CDH23: variants seen among roughly 807,000 people sequenced by gnomAD.
The protein encoded by CDH23 is cadherin-23.
CDH23 carries 189 observed loss-of-function variants against 317.1 expected under a neutral mutation model. That is an observed-to-expected ratio of 0.60 (90% CI 0.53 to 0.67). The LOEUF (loss-of-function observed/expected upper bound fraction) is 0.67, where lower values mean the gene tolerates loss of function less well. Among genes scored for constraint, CDH23 ranks in the 30% least tolerant of loss-of-function variants. CDH23 has a pLI of 0.00. For missense variants in CDH23, 4,401 were observed against 4,592.4 expected, an observed-to-expected ratio of 0.96 and a Z score of 1.20; for synonymous variants, 1,839 against 1,876.8, an observed-to-expected ratio of 0.98 and a Z score of 0.52.
At chr10:71,699,385 G>C (rs1392301523) in intron 22 of CDH23, among the ~76,000 whole-genome samples, 1 of 152,236 alleles carries the variant, frequency 6.6e-6, no homozygotes, top group Non-Finnish European at 1.5e-5. Context: ...GAGGCACAAG[G>C]CAACCCCAGT....
In CDH23 at chr10:71,755,212, T is replaced by C. The variant is rs1840101645; in HGVS notation, c.4845+13291T>C. On this transcript the variant is annotated intron_variant, in intron 38 of 69. Coordinates refer to ENST00000224721, the MANE Select transcript of CDH23 (RefSeq NM_022124.6). ...CTTTCTCTCGGCCATTTCGCCCAGC[T>C]CCTGGCGGGAAGTGCAGCTGCTCCC... 1.7e-5 allele frequency: 14 copies of C among 810,564 alleles called. No individual in the cohort carries two copies. The South Asian group carries it at 2.1e-4, about 12-fold the overall frequency. 50.2% of individuals were successfully genotyped at this position (810,564 alleles called of 1,614,324 possible).
intron 2 of CDH23, 78 bp from the exon 3 acceptor site, chr10:71,446,240 C>T: frequency 1.4e-6 from 2 of 1,393,668 alleles, no homozygotes; most frequent in Non-Finnish European, 1.0e-6. Context: ...CACTGCAGCC[C>T]TCACCCTGTG....
In CDH23 at chr10:71,809,911, A is replaced by C. The variant is rs1336129317; in HGVS notation, c.8814A>C (p.Ala2938=). 6.2e-7 allele frequency: 1 copy of C among 1,613,194 alleles called. No individual in the cohort carries two copies. The highest frequency in any genetic ancestry group is 8.5e-7 in the Non-Finnish European group (1 of 1,179,888). ...FVVDIVARDL[A]GHNDTAIIGI... is the part of the protein sequence containing the mutation. ...TGGACATTGTGGCCCGAGACCTGGC[A>C]GGCCACAACGACACGGCCATCATCG... Residue 2938 remains alanine (A), a synonymous_variant, in exon 61 of 70, where the codon GCA becomes GCC. Transcript: ENST00000224721.
At chr10:71,468,027 A>G (rs1402573078) in intron 3 of CDH23, among the ~76,000 whole-genome samples, 3 of 152,092 alleles carry the variant, frequency 2.0e-5, no homozygotes, top group African/African-American at 7.2e-5. Context: ...CTTCCCTCTT[A>G]GAGAGGAATT....
chr10:71,726,419 G>A (rs1011120707), intron 30 of CDH23, among the ~76,000 whole-genome samples: 9 of 152,194 alleles, frequency 5.9e-5, no homozygotes, highest in African/African-American at 1.4e-4. Context: ...TCACAAACAC[G>A]ATGGGTCTGA....
At chr10:71,455,640 A>G (rs1850658727) in intron 3 of CDH23, among the ~76,000 whole-genome samples, 1 of 151,922 alleles carries the variant, frequency 6.6e-6, no homozygotes, top group Non-Finnish European at 1.5e-5. Context: ...GGCAGAAAGC[A>G]GCATAGAAAA....
In CDH23 at chr10:71,690,527, G is replaced by C. The variant is rs760774586; in HGVS notation, c.2119G>C (p.Glu707Gln). ...DLDRSREYGQESIIYSLEGST... is the reference protein window; with the variant it reads ...DLDRSREYGQQSIIYSLEGST... ...GGACCGCTCCCGGGAGTACGGCCAG[G>C]AGTCCATCATCTACTCCTTGGAAGG... Residue 707 changes from glutamate to glutamine, a missense_variant, in exon 20 of 70, where the codon GAG (glutamate) becomes CAG (glutamine). Physicochemically the swap from Glu to Gln is conservative, Grantham distance 29. Coordinates refer to ENST00000224721, the MANE Select transcript of CDH23 (RefSeq NM_022124.6). 9 of 1,611,518 alleles carry C rather than the reference G, an allele frequency of 5.6e-6. No homozygotes were observed. The highest frequency in any genetic ancestry group is 7.6e-6 in the Non-Finnish European group (9 of 1,179,018).
rs376545866 is a variant in CDH23 at position 71,810,541 on chromosome 10, G to A, written c.9049G>A (p.Asp3017Asn). The A allele has an allele frequency of 2.9e-5, 46 of 1,613,968 alleles. No individual in the cohort carries two copies. The highest frequency in any genetic ancestry group is 3.3e-4 in the Middle Eastern group (2 of 6,062). ...ACTGCTTATCCACGTGGTGAACCGC[G>A]ATACCAACCGCATCCTGGACGTGGA... ...TELLIHVVNR[D>N]TNRILDVDRV... The change falls in exon 62 of 70, where the codon GAT becomes AAT. Residue 3017 changes from aspartate to asparagine, a missense_variant. By Grantham distance (23) the Asp-to-Asn change is conservative. Coordinates refer to ENST00000224721, the MANE Select transcript of CDH23 (RefSeq NM_022124.6).
At chr10:71,510,503 C>T (rs1006006485) in intron 4 of CDH23, among the ~76,000 whole-genome samples, 3 of 152,056 alleles carry the variant, frequency 2.0e-5, no homozygotes, top group African/African-American at 7.2e-5. Context: ...AATGGCCCTC[C>T]ATGGAGGGTA....
chr10:71,712,329 C>T (rs941796315), intron 27 of CDH23: 2 of 247,606 alleles, frequency 8.1e-6, no homozygotes, highest in Non-Finnish European at 1.6e-5. Flanking sequence ...AGGGGTTTAA[C>T]ATGGGTCTGT....
At chr10:71,746,529 C>T (rs1239722587) in intron 38 of CDH23, among the ~76,000 whole-genome samples, 1 of 152,228 alleles carries the variant, frequency 6.6e-6, no homozygotes, top group East Asian at 1.9e-4. Flanking sequence ...GGAGCCTCAG[C>T]CCCTGCCTAG....
At chr10:71,462,654 AG>A (rs1851058629) in intron 3 of CDH23, among the ~76,000 whole-genome samples, 1 of 152,244 alleles carries the variant, frequency 6.6e-6, no homozygotes, top group Non-Finnish European at 1.5e-5. Context: ...GAGCTGGTCA[AG>A]CATTCTCTGC....
At chr10:71,543,126 C>T (rs1225377898) in intron 6 of CDH23, among the ~76,000 whole-genome samples, 1 of 152,218 alleles carries the variant, frequency 6.6e-6, no homozygotes, top group Non-Finnish European at 1.5e-5. Context: ...CCTCCAGGGC[C>T]CCATTCAGCA....
chr10:71,486,867 T>C (rs1852380520), intron 3 of CDH23, among the ~76,000 whole-genome samples: 1 of 152,148 alleles, frequency 6.6e-6, no homozygotes, highest in Non-Finnish European at 1.5e-5. Flanking sequence ...GCAATGCAGC[T>C]GCTGGAAAGG....
chr10:71,589,458 GA>G (rs992681280), intron 9 of CDH23, among the ~76,000 whole-genome samples: 12 of 152,284 alleles, frequency 7.9e-5, no homozygotes, highest in African/African-American at 2.4e-4. Flanking sequence ...AGGAGGAGGA[GA>G]AAAGAAAGCT....
At chr10:71,750,947 G>T in intron 38 of CDH23, 1 of 341,510 alleles carries the variant, frequency 2.9e-6, no homozygotes, top group Non-Finnish European at 5.4e-6. Context: ...AGCTGCTGAA[G>T]GGCTGGACGT....
intron 48 of CDH23, 53 bp downstream of exon 48, chr10:71,793,693 C>T: frequency 7.7e-7 from 1 of 1,296,366 alleles, no homozygotes; most frequent in Non-Finnish European, 1.1e-6. Flanking sequence ...GTCCTGTCTC[C>T]TCGCTCCCTG....
intron 6 of CDH23, among the ~76,000 whole-genome samples, chr10:71,532,300 A>G (rs1855417205): frequency 6.6e-6 from 1 of 152,204 alleles, no homozygotes; most frequent in African/African-American, 2.4e-5. Context: ...CCTCTCACAG[A>G]GACTGCTCTC....
chr10:71,430,566 T>A (rs1849323997), intron 1 of CDH23, among the ~76,000 whole-genome samples: 1 of 152,168 alleles, frequency 6.6e-6, no homozygotes, highest in South Asian at 2.1e-4. Context: ...CCCAGCACTT[T>A]GGGAGGCCGA....
Sources: allele counts gnomAD v4.1 joint callset (sites outside exome capture counted in the v4.1 genomes callset), GRCh38; gene constraint gnomAD v4.1.1; transcripts MANE v1.5; gene names NCBI Gene and HGNC (gene_info 2026-07-23, HGNC 2026-07-21).